The following KCNJ10 variants were observed in gnomAD, a reference collection of about 807,000 sequenced individuals.
KCNJ10 encodes potassium inwardly rectifying channel subfamily J member 10, also known as ATP-sensitive inward rectifier potassium channel 10.
Under a neutral mutation model 22.2 loss-of-function variants are expected in KCNJ10, and 9 were observed. The observed-to-expected ratio is 0.40, with a 90% confidence interval of 0.24 to 0.71. KCNJ10 has a LOEUF of 0.71. Ranked by LOEUF, KCNJ10 falls within the 30% of genes least tolerant of loss-of-function variation. The pLI is 0.35. For missense variants in KCNJ10, 337 were observed against 482.7 expected (o/e 0.70, Z 2.83); for synonymous variants, 184 against 187.3 (o/e 0.98, Z 0.15).
chr1:160,042,663 T>A, intron 1 of KCNJ10, 131 bp from the exon 2 acceptor site: 1 of 895,794 alleles, frequency 1.1e-6, no homozygotes, highest in Non-Finnish European at 1.8e-6. Flanking sequence ...ACCAAATATT[T>A]ATTGAGCACT....
At chr1:160,065,171 G>A (rs1178336896) in intron 1 of KCNJ10, 2 of 152,132 alleles carry the variant, frequency 1.3e-5, no homozygotes, top group African/African-American at 2.4e-5. Flanking sequence ...TACAGGATGG[G>A]GTCGTTAGTA....
intron 1 of KCNJ10, among the ~76,000 whole-genome samples, chr1:160,055,803 C>T (rs926597131): frequency 2.2e-4 from 33 of 152,278 alleles, no homozygotes; most frequent in East Asian, 1.9e-4. Flanking sequence ...GTTGGTGTTT[C>T]TCAGGAATCC....
At position 160,041,227 on chromosome 1, in the gene KCNJ10, C is replaced by G; in HGVS notation, c.*166G>C. 2.9e-6 allele frequency: 2 copies of G among 686,186 alleles called. No individual in the cohort carries two copies. The highest frequency in any genetic ancestry group is 5.1e-6 in the Non-Finnish European group (2 of 392,924). The allele number at this position is 686,186 out of a possible 1,614,324, so 42.5% of individuals were successfully genotyped here. ...TGGAAAGGGGACAGTGGGAGGCGAA[C>G]CTGGACTCCAGTTGGCCTAAGCTAC... On this transcript the variant is annotated 3_prime_UTR_variant, in exon 2 of 2. Transcript: ENST00000644903. The surrounding 1 kb of genome is among the most constrained non-coding windows in gnomAD (Gnocchi z 4.4).
intron 1 of KCNJ10, chr1:160,065,039 G>A (rs1649287190): frequency 6.6e-6 from 1 of 152,172 alleles, no homozygotes. Flanking sequence ...CTGGTGAGGG[G>A]AGAAAGGCTC....
intron 1 of KCNJ10, among the ~76,000 whole-genome samples, chr1:160,056,988 T>C (rs546931343): frequency 6.6e-6 from 1 of 152,258 alleles, no homozygotes; most frequent in East Asian, 1.9e-4. Context: ...GTCACAAAGG[T>C]CCCTATGTAT....
chr1:160,059,802 T>C (rs537154650), intron 1 of KCNJ10, among the ~76,000 whole-genome samples: 5 of 152,318 alleles, frequency 3.3e-5, no homozygotes, highest in African/African-American at 1.2e-4. Context: ...CTTTGTTCAG[T>C]AGGTGACTAA....
intron 1 of KCNJ10, among the ~76,000 whole-genome samples, chr1:160,069,703 A>T (rs1045343145): frequency 2.0e-5 from 3 of 152,096 alleles, no homozygotes; most frequent in African/African-American, 7.2e-5. Context: ...GTGCCTGGTT[A>T]TGTGTGGTTG....
intron 1 of KCNJ10, among the ~76,000 whole-genome samples, chr1:160,059,535 C>T (rs1649133171): frequency 6.6e-6 from 1 of 152,130 alleles, no homozygotes; most frequent in African/African-American, 2.4e-5. Context: ...CCCCAGCCAA[C>T]CACAGCCACA....
Position 160,042,280 on chromosome 1 carries a change from C to G in KCNJ10, c.253G>C (p.Val85Leu). The change falls in exon 2 of 2, where the codon GTG becomes CTG. Residue 85 changes from valine (V) to leucine (L), a missense_variant. Physicochemically the swap from Val to Leu is conservative, Grantham distance 32. This residue lies in a region of KCNJ10 where 107 missense variants were observed against 135.2 expected (regional missense o/e 0.79). Coordinates refer to ENST00000644903, the MANE Select transcript of KCNJ10 (RefSeq NM_002241.5). ...FAGTWFLFGV[V>L]WYLVAVAHGD... ...TGTGCCACAGCTACCAGATACCACA[C>G]CACGCCAAAGAGGAACCATGTGCCT... is the stretch of plus-strand genomic sequence containing the variant. The G allele has an allele frequency of 1.9e-6, 3 of 1,614,144 alleles. No individual in the cohort carries two copies. Among genetic ancestry groups the G allele is most frequent in the Non-Finnish European group, 2.5e-6 (3 of 1,179,984 alleles).
In KCNJ10 at chr1:160,039,714, T is replaced by A. The variant is rs1648560581; in HGVS notation, c.*1679A>T. 6.6e-6 allele frequency: 1 copy of A among 152,212 alleles called. No homozygotes were observed. The highest frequency in any genetic ancestry group is 1.5e-5 in the Non-Finnish European group (1 of 68,054). 9.4% of individuals were successfully genotyped at this position (152,212 alleles called of 1,614,324 possible). ...TGATCATGGGTCTAGCCTCAAAATT[T>A]TGTGTTTCTCTGCAAGGCTCTGTAC... On this transcript the variant is annotated 3_prime_UTR_variant, in exon 2 of 2. Transcript: ENST00000644903.
intron 1 of KCNJ10, among the ~76,000 whole-genome samples, chr1:160,061,757 G>C (rs1273401682): frequency 3.4e-5 from 5 of 148,398 alleles, no homozygotes; most frequent in Admixed American, 1.3e-4. Context: ...AAGGGAAAGG[G>C]GGGTGGGGTG....
At chr1:160,051,094 CCA>C (rs1473355469) in intron 1 of KCNJ10, among the ~76,000 whole-genome samples, 2 of 151,314 alleles carry the variant, frequency 1.3e-5, no homozygotes, top group Admixed American at 1.3e-4. Context: ...CAGGCATGAG[CCA>C]CCATAACCAG....
intron 1 of KCNJ10, among the ~76,000 whole-genome samples, chr1:160,065,486 G>A (rs1471360418): frequency 6.6e-6 from 1 of 152,134 alleles, no homozygotes. Flanking sequence ...CTCCAACATC[G>A]CCATGCATGG....
At chr1:160,052,841 T>C (rs1258192184) in intron 1 of KCNJ10, among the ~76,000 whole-genome samples, 2 of 152,184 alleles carry the variant, frequency 1.3e-5, no homozygotes, top group Non-Finnish European at 2.9e-5. Context: ...CATACACTAG[T>C]ATGTCAGGAG....
intron 1 of KCNJ10, 70 bp from the exon 2 acceptor site, chr1:160,042,602 G>T: frequency 7.5e-7 from 1 of 1,326,770 alleles, no homozygotes; most frequent in East Asian, 2.3e-5. Flanking sequence ...CTCACCCCAT[G>T]GGAGGGAGGA....
intron 1 of KCNJ10, among the ~76,000 whole-genome samples, chr1:160,047,663 C>T (rs1648780431): frequency 6.6e-6 from 1 of 152,200 alleles, no homozygotes; most frequent in Admixed American, 6.5e-5. Flanking sequence ...AATTCATCTT[C>T]TCTGTCCCTC....
rs1490981944 is a variant in KCNJ10 at position 160,040,013 on chromosome 1, C to T, written c.*1380G>A. On this transcript the variant is annotated 3_prime_UTR_variant, in exon 2 of 2. Transcript: ENST00000644903. ...ACTTTTTAACTTGTCTGAAAATGGCCTCATGGCAGAGGAGAGTAGAGATGA... is the reference window on the plus strand; with the variant it reads ...ACTTTTTAACTTGTCTGAAAATGGCTTCATGGCAGAGGAGAGTAGAGATGA... 2.0e-5 allele frequency: 3 copies of T among 152,372 alleles called. No homozygotes were observed. The highest frequency in any genetic ancestry group is 2.9e-5 in the Non-Finnish European group (2 of 68,152). The allele number at this position is 152,372 out of a possible 1,614,324, so 9.4% of individuals were successfully genotyped here. A position where few individuals can be genotyped will look rare whatever the true frequency, so the allele number is the denominator to read the frequency against.
Position 160,042,109 on chromosome 1 carries a change from G to A in KCNJ10, c.424C>T (p.Leu142=), listed in dbSNP as rs1348882970. ...TGGGCAATAAGAAGCACAATGGCCA[G>A]TGGACATTCCTCACTGATGTAGCGG... is the stretch of plus-strand genomic sequence containing the variant. ...GFRYISEECP[L]AIVLLIAQLV... Residue 142 remains leucine, a synonymous_variant, in exon 2 of 2, where the codon CTG becomes TTG. Coordinates refer to ENST00000644903, the MANE Select transcript of KCNJ10 (RefSeq NM_002241.5). The A allele has an allele frequency of 4.5e-6, 7 of 1,557,784 alleles. No individual in the cohort carries two copies. The highest frequency in any genetic ancestry group is 3.7e-5 in the Admixed American group (2 of 53,588).
At chr1:160,054,779 G>T (rs2101931135) in intron 1 of KCNJ10, among the ~76,000 whole-genome samples, 1 of 152,328 alleles carries the variant, frequency 6.6e-6, no homozygotes, top group East Asian at 1.9e-4. Flanking sequence ...GCTGGTTGAG[G>T]GGATCAACCT....
Sources: allele counts gnomAD v4.1 joint callset (sites outside exome capture counted in the v4.1 genomes callset), GRCh38; gene constraint gnomAD v4.1.1; regional missense constraint gnomAD v4.1.1; non-coding constraint Gnocchi (gnomAD v3.1); transcripts MANE v1.5; gene names NCBI Gene and HGNC (gene_info 2026-07-23, HGNC 2026-07-21).